The following HS3ST3A1 variants were observed in gnomAD, a reference collection of about 807,000 sequenced individuals.
HS3ST3A1 encodes heparan sulfate-glucosamine 3-sulfotransferase 3A1, also known as heparan sulfate glucosamine 3-O-sulfotransferase 3A1.
Under a neutral mutation model 25.7 loss-of-function variants are expected in HS3ST3A1, and 19 were observed. The ratio of observed to expected loss-of-function variants is 0.74; its 90% CI spans 0.52 to 1.08. The LOEUF is 1.08. HS3ST3A1 is among the 50% of genes least tolerant of loss of function. HS3ST3A1 has a pLI of 0.00. For synonymous variants in HS3ST3A1, 226 were observed against 278.6 expected (o/e 0.81, Z 1.88); for missense variants, 459 against 594.3 (o/e 0.77, Z 2.37).
At chr17:13,508,896 C>T (rs1267049197) in intron 1 of HS3ST3A1, among the ~76,000 whole-genome samples, 1 of 152,098 alleles carries the variant, frequency 6.6e-6, no homozygotes, top group Admixed American at 6.5e-5. Flanking sequence ...CATCTCTGGA[C>T]TTCCGACATT....
intron 1 of HS3ST3A1, among the ~76,000 whole-genome samples, chr17:13,508,637 A>T (rs1420073655): frequency 6.6e-6 from 1 of 152,240 alleles, no homozygotes; most frequent in African/African-American, 2.4e-5. Context: ...CATAAGATGT[A>T]AAATACCATT....
chr17:13,551,967 C>T (rs1820097265), intron 1 of HS3ST3A1, among the ~76,000 whole-genome samples: 2 of 152,248 alleles, frequency 1.3e-5, no homozygotes, highest in African/African-American at 2.4e-5. Flanking sequence ...TCTGAATCCT[C>T]TTTCTATTCC....
intron 1 of HS3ST3A1, among the ~76,000 whole-genome samples, chr17:13,508,913 G>A (rs1305289246): frequency 6.6e-6 from 1 of 151,790 alleles, no homozygotes; most frequent in African/African-American, 2.4e-5. Context: ...CATTCTTTGT[G>A]TACCAAGCAA....
intron 1 of HS3ST3A1, among the ~76,000 whole-genome samples, chr17:13,573,490 T>C (rs1454013652): frequency 6.6e-6 from 1 of 152,166 alleles, no homozygotes; most frequent in Non-Finnish European, 1.5e-5. Flanking sequence ...GGGAAAGTCA[T>C]CATTTATGAT....
chr17:13,500,706 A>G (rs1211602561), intron 1 of HS3ST3A1, among the ~76,000 whole-genome samples: 1 of 152,234 alleles, frequency 6.6e-6, no homozygotes, highest in African/African-American at 2.4e-5. Flanking sequence ...GACCAACACT[A>G]TAAGGAAAAA....
chr17:13,560,309 A>AAAAAAAAAAAAAAAAAAAAAC, intron 1 of HS3ST3A1, among the ~76,000 whole-genome samples: 1 of 143,324 alleles, frequency 7.0e-6, no homozygotes, highest in Non-Finnish European at 1.5e-5. Context: ...AAAAAAAAAA[A>AAAAAAAAAAAAAAAAAAAAAC]AAAAAAAAAA....
At chr17:13,522,847 C>CAGAG (rs571576989) in intron 1 of HS3ST3A1, among the ~76,000 whole-genome samples, 323 of 133,222 alleles carry the variant, frequency 2.4e-3, no homozygotes, top group South Asian at 3.9e-3. Flanking sequence ...CACACACACA[C>CAGAG]AGAGAGACAC....
At chr17:13,498,934 C>T (rs1196071344) in intron 1 of HS3ST3A1, among the ~76,000 whole-genome samples, 4 of 143,470 alleles carry the variant, frequency 2.8e-5, no homozygotes, top group African/African-American at 7.9e-5. Flanking sequence ...CTCAGATTTC[C>T]TCCTATTTTT....
chr17:13,542,639 C>T (rs1389429874), intron 1 of HS3ST3A1, among the ~76,000 whole-genome samples: 2 of 151,990 alleles, frequency 1.3e-5, no homozygotes, highest in African/African-American at 4.8e-5. Context: ...ATATCACAGG[C>T]TACCATATTT....
chr17:13,566,141 C>T (rs1045678265), intron 1 of HS3ST3A1, among the ~76,000 whole-genome samples: 2 of 152,138 alleles, frequency 1.3e-5, no homozygotes, highest in Admixed American at 6.5e-5. Flanking sequence ...GTAAGTCTAT[C>T]GGGGTCATTT....
At chr17:13,498,168 A>G (rs749940070) in intron 1 of HS3ST3A1, among the ~76,000 whole-genome samples, 4 of 152,218 alleles carry the variant, frequency 2.6e-5, no homozygotes, top group Non-Finnish European at 5.9e-5. Context: ...CAAACATCCT[A>G]TTAATGGATT....
intron 1 of HS3ST3A1, among the ~76,000 whole-genome samples, chr17:13,499,360 T>C (rs1345367399): frequency 6.6e-6 from 1 of 152,208 alleles, no homozygotes; most frequent in Non-Finnish European, 1.5e-5. Context: ...AATTTCTCAG[T>C]GAAGGAAATT....
intron 1 of HS3ST3A1, among the ~76,000 whole-genome samples, chr17:13,591,609 C>T (rs1908425374): frequency 6.6e-6 from 1 of 151,400 alleles, no homozygotes; most frequent in Admixed American, 6.6e-5. Flanking sequence ...TTTAAAAATT[C>T]ACTTTTATGA....
chr17:13,517,058 A>T (rs1003485365), intron 1 of HS3ST3A1, among the ~76,000 whole-genome samples: 2 of 152,220 alleles, frequency 1.3e-5, no homozygotes, highest in Non-Finnish European at 2.9e-5. Flanking sequence ...AGTGTATGTA[A>T]AAGTGTGGAA....
intron 1 of HS3ST3A1, among the ~76,000 whole-genome samples, chr17:13,498,819 A>G (rs1905364805): frequency 6.6e-6 from 1 of 152,178 alleles, no homozygotes; most frequent in Admixed American, 6.5e-5. Flanking sequence ...GTTCTTGCAT[A>G]CACAGTAATA....
At chr17:13,500,954 A>G (rs1477169102) in intron 1 of HS3ST3A1, among the ~76,000 whole-genome samples, 2 of 152,226 alleles carry the variant, frequency 1.3e-5, no homozygotes, top group African/African-American at 4.8e-5. Context: ...TCTGACATAC[A>G]CTCCAACATA....
chr17:13,534,135 C>T (rs1030701693), intron 1 of HS3ST3A1, among the ~76,000 whole-genome samples: 2 of 152,060 alleles, frequency 1.3e-5, no homozygotes, highest in African/African-American at 4.8e-5. Flanking sequence ...AGTCCAAATC[C>T]TGCTTGCTCT....
At chr17:13,532,973 T>C (rs1255096048) in intron 1 of HS3ST3A1, among the ~76,000 whole-genome samples, 1 of 151,872 alleles carries the variant, frequency 6.6e-6, no homozygotes, top group Non-Finnish European at 1.5e-5. Context: ...TAGGCTGTTT[T>C]CAGTGACATC....
chr17:13,556,911 T>C (rs1293838835), intron 1 of HS3ST3A1, among the ~76,000 whole-genome samples: 1 of 149,350 alleles, frequency 6.7e-6, no homozygotes, highest in African/African-American at 2.5e-5. Flanking sequence ...AGAAACTCAA[T>C]GGCAGCCATG....
Sources: gnomAD v4.1 joint callset for allele counts (sites outside exome capture counted in the v4.1 genomes callset) on GRCh38, gnomAD v4.1.1 for gene constraint, MANE v1.5 for transcripts, NCBI Gene and HGNC (gene_info 2026-07-23, HGNC 2026-07-21) for gene names.